The following CLASP2 variants were observed in gnomAD, a reference collection of about 807,000 sequenced individuals.
The protein encoded by CLASP2 is CLIP-associating protein 2.
CLASP2 carries 47 observed loss-of-function variants against 194.4 expected under a neutral mutation model. That is an observed-to-expected ratio of 0.24 (90% CI 0.19 to 0.31). The LOEUF is 0.31. Among genes scored for constraint, CLASP2 ranks in the 10% least tolerant of loss-of-function variants. The pLI, the probability that CLASP2 is intolerant of heterozygous loss-of-function variation, is 1.00. For synonymous variants in CLASP2, 619 were observed against 633.5 expected, an observed-to-expected ratio of 0.98 and a Z score of 0.34; for missense variants, 1,445 against 1,823.6, an observed-to-expected ratio of 0.79 and a Z score of 3.78.
intron 32 of CLASP2, among the ~76,000 whole-genome samples, chr3:33,539,933 T>G (rs75766214): frequency 6.6e-6 from 1 of 150,680 alleles, no homozygotes; most frequent in Non-Finnish European, 1.5e-5. Flanking sequence ...TTTTTTTTTT[T>G]TGAGATGGAG....
At chr3:33,538,274 G>A (rs2057748081) in intron 33 of CLASP2, among the ~76,000 whole-genome samples, 2 of 152,100 alleles carry the variant, frequency 1.3e-5, no homozygotes, top group African/African-American at 4.8e-5. Context: ...CTTTGGATTT[G>A]CTAATTATTT....
intron 36 of CLASP2, chr3:33,514,819 TATAC>T (rs1309439060): frequency 1.5e-5 from 2 of 133,582 alleles, no homozygotes; most frequent in African/African-American, 1.8e-4. Context: ...TGTATATGTA[TATAC>T]ACACACACAC....
chr3:33,667,981 A>T (rs988108308), intron 6 of CLASP2, among the ~76,000 whole-genome samples: 1 of 152,184 alleles, frequency 6.6e-6, no homozygotes, highest in African/African-American at 2.4e-5. Context: ...GCACTTTGGG[A>T]GGCTGAAGCA....
intron 6 of CLASP2, chr3:33,682,997 A>G (rs766312264): frequency 1.3e-5 from 2 of 152,170 alleles, no homozygotes; most frequent in African/African-American, 2.4e-5. Flanking sequence ...GAACCCTACA[A>G]TTGGTTACTT....
intron 6 of CLASP2, among the ~76,000 whole-genome samples, chr3:33,669,136 T>C (rs2086700337): frequency 6.6e-6 from 1 of 152,224 alleles, no homozygotes; most frequent in African/African-American, 2.4e-5. Flanking sequence ...TAAGCACATA[T>C]GTGCACACTT....
chr3:33,534,487 A>G (rs1440098394), intron 34 of CLASP2, among the ~76,000 whole-genome samples: 2 of 152,140 alleles, frequency 1.3e-5, no homozygotes, highest in Non-Finnish European at 2.9e-5. Flanking sequence ...GGATCGCTTG[A>G]GCCTACGAGG....
chr3:33,678,078 G>A (rs2089149515), intron 6 of CLASP2, among the ~76,000 whole-genome samples: 1 of 151,816 alleles, frequency 6.6e-6, no homozygotes, highest in African/African-American at 2.4e-5. Flanking sequence ...AAAGAAAAAA[G>A]AGATTGGAAA....
chr3:33,677,165 A>G (rs1232815591), intron 6 of CLASP2, among the ~76,000 whole-genome samples: 1 of 152,164 alleles, frequency 6.6e-6, no homozygotes, highest in Non-Finnish European at 1.5e-5. Flanking sequence ...AGGGATCTAC[A>G]ACTAGAAATA....
At chr3:33,523,154 G>A (rs1335771112) in intron 34 of CLASP2, among the ~76,000 whole-genome samples, 3 of 152,160 alleles carry the variant, frequency 2.0e-5, no homozygotes, top group Non-Finnish European at 2.9e-5. Context: ...AAAAGAATTA[G>A]TGAGCAGAGC....
At chr3:33,576,043 C>T (rs145024006) in intron 24 of CLASP2, 126 bp downstream of exon 24, 244 of 675,816 alleles carry the variant, frequency 3.6e-4, no homozygotes, top group East Asian at 2.7e-3. Context: ...ACACTGCCCA[C>T]GTTTTATCTT....
chr3:33,547,667 G>A (rs1394849261), intron 30 of CLASP2, among the ~76,000 whole-genome samples: 2 of 152,032 alleles, frequency 1.3e-5, no homozygotes, highest in African/African-American at 4.8e-5. Flanking sequence ...ACTGGGAAGT[G>A]TTCCTTCCTC....
At chr3:33,546,400 T>C (rs953545275) in intron 30 of CLASP2, among the ~76,000 whole-genome samples, 1 of 152,220 alleles carries the variant, frequency 6.6e-6, no homozygotes, top group African/African-American at 2.4e-5. Flanking sequence ...TTCGATCATA[T>C]CCTTCCTTTC....
intron 8 of CLASP2, among the ~76,000 whole-genome samples, chr3:33,633,786 G>A (rs2079570322): frequency 6.6e-6 from 1 of 152,004 alleles, no homozygotes. Context: ...ACATATTTAA[G>A]AACAACTTAG....
chr3:33,665,393 G>GA (rs1184300433), intron 6 of CLASP2, among the ~76,000 whole-genome samples: 1 of 152,006 alleles, frequency 6.6e-6, no homozygotes, highest in Non-Finnish European at 1.5e-5. Flanking sequence ...GGGAAAAGAA[G>GA]AAAAAGGGGC....
chr3:33,559,866 C>CA (rs1191449112), intron 28 of CLASP2, among the ~76,000 whole-genome samples: 3 of 152,014 alleles, frequency 2.0e-5, no homozygotes, highest in African/African-American at 7.2e-5. Flanking sequence ...TGCACTCCAG[C>CA]ATGGGCAACA....
At chr3:33,619,812 ACT>A in intron 11 of CLASP2, 74 bp from the exon 12 acceptor site, 2 of 1,195,688 alleles carry the variant, frequency 1.7e-6, no homozygotes, top group Non-Finnish European at 2.2e-6. Context: ...ATTTTAAAAT[ACT>A]CTTTTACTGA....
chr3:33,588,696 G>T, intron 21 of CLASP2: 1 of 702,236 alleles, frequency 1.4e-6, no homozygotes, highest in Non-Finnish European at 2.6e-6. Context: ...AAAGTCTATA[G>T]ATTCTTACCA....
At chr3:33,579,856 C>T (rs2065643274) in intron 23 of CLASP2, among the ~76,000 whole-genome samples, 1 of 152,064 alleles carries the variant, frequency 6.6e-6, no homozygotes, top group South Asian at 2.1e-4. Context: ...CACCACACAC[C>T]CAACTCCACT....
intron 23 of CLASP2, among the ~76,000 whole-genome samples, chr3:33,578,279 T>A (rs1576679594): frequency 6.6e-6 from 1 of 152,214 alleles, no homozygotes; most frequent in African/African-American, 2.4e-5. Context: ...AAAAAAATAC[T>A]AATAATTTAA....
Sources: allele counts gnomAD v4.1 joint callset (sites outside exome capture counted in the v4.1 genomes callset), GRCh38; gene constraint gnomAD v4.1.1; transcripts MANE v1.5; gene names NCBI Gene and HGNC (gene_info 2026-07-23, HGNC 2026-07-21).